The following STPG1 variants were observed in gnomAD, a reference collection of about 807,000 sequenced individuals.
STPG1 encodes the protein sperm tail PG-rich repeat containing 1, also known as O(6)-methylguanine-induced apoptosis 2.
Under a neutral mutation model 40.1 loss-of-function variants are expected in STPG1, and 33 were observed. The ratio of observed to expected loss-of-function variants is 0.82; its 90% CI spans 0.62 to 1.10. STPG1 has a LOEUF of 1.10. STPG1 is among the 50% of genes least tolerant of loss of function. The probability of loss-of-function intolerance (pLI) is 0.00; values close to 1 mark genes in which losing one functional copy is unlikely to be tolerated. For synonymous variants in STPG1, 150 were observed against 155.0 expected (o/e 0.97, Z 0.24); for missense variants, 396 against 415.1 (o/e 0.95, Z 0.40).
intron 7 of STPG1, among the ~76,000 whole-genome samples, chr1:24,362,757 A>C (rs1312394529): frequency 6.6e-6 from 1 of 152,216 alleles, no homozygotes; most frequent in Non-Finnish European, 1.5e-5. Flanking sequence ...CAGAGAGGAC[A>C]CTGAAAGCCA....
chr1:24,385,966 C>CA (rs974847641), intron 3 of STPG1, among the ~76,000 whole-genome samples: 8 of 152,180 alleles, frequency 5.3e-5, no homozygotes, highest in African/African-American at 1.9e-4. Context: ...AGTGAAGACA[C>CA]ACACCTCTAG....
chr1:24,379,965 G>A, intron 4 of STPG1, 142 bp from the exon 5 acceptor site: 1 of 813,372 alleles, frequency 1.2e-6, no homozygotes, highest in South Asian at 1.9e-5. Context: ...ATGATAAACT[G>A]ACCTCAGGCT....
At chr1:24,369,490 G>T (rs1641629239) in intron 7 of STPG1, 184 bp downstream of exon 7, 2 of 705,224 alleles carry the variant, frequency 2.8e-6, no homozygotes, top group Admixed American at 2.1e-5. Context: ...CACAGTGGTT[G>T]CTCAATAAGT....
chr1:24,366,226 C>T (rs972758645), intron 7 of STPG1, among the ~76,000 whole-genome samples: 8 of 152,098 alleles, frequency 5.3e-5, no homozygotes, highest in African/African-American at 7.2e-5. Flanking sequence ...AGAAACATGG[C>T]GGCAAGTCAC....
At chr1:24,403,894 A>G (rs997826357) in intron 1 of STPG1, among the ~76,000 whole-genome samples, 3 of 152,108 alleles carry the variant, frequency 2.0e-5, no homozygotes, top group African/African-American at 7.2e-5. Context: ...GTATGTGAAT[A>G]AAACATTTTA....
chr1:24,412,352 C>T (rs6696136), intron 1 of STPG1, among the ~76,000 whole-genome samples: 18,368 of 152,188 alleles, frequency 0.12, 1,202 homozygotes, highest in African/African-American at 0.16. Flanking sequence ...TCACGAGACT[C>T]TCTGCTCAAA....
upstream of STPG1, chr1:24,414,915 C>A (rs991166082): frequency 2.0e-5 from 3 of 152,264 alleles, no homozygotes; most frequent in African/African-American, 2.4e-5. Flanking sequence ...TCTCACCAGC[C>A]CTGCTGGCCT....
At position 24,358,620 on chromosome 1, in the gene STPG1, C is replaced by T; in HGVS notation, c.929-1G>A. 3 of 1,612,044 alleles carry T rather than the reference C, an allele frequency of 1.9e-6. No homozygotes were observed. Among genetic ancestry groups the T allele is most frequent in the Non-Finnish European group, 2.5e-6 (3 of 1,178,306 alleles). On this transcript the variant is annotated splice_acceptor_variant, in intron 8 of 8. Coordinates refer to ENST00000337248, the MANE Select transcript of STPG1 (RefSeq NM_001199013.2). LOFTEE classifies it high-confidence loss of function. The stretch of plus-strand genomic sequence containing the variant: ...CCTGGAAGCTCTGGCTTGTACGTAG[C>T]TGTGAGGGGACAGAGAGGCGGAGGC...
At chr1:24,396,290 T>TCTAA (rs750885774) in intron 2 of STPG1, among the ~76,000 whole-genome samples, 4 of 105,522 alleles carry the variant, frequency 3.8e-5, no homozygotes, top group African/African-American at 7.1e-5. Flanking sequence ...TATCTATCTA[T>TCTAA]CTATCTATCA....
At chr1:24,375,093 T>C (rs1641959683) in intron 5 of STPG1, among the ~76,000 whole-genome samples, 1 of 152,174 alleles carries the variant, frequency 6.6e-6, no homozygotes, top group South Asian at 2.1e-4. Flanking sequence ...CATTCCCTTG[T>C]CTCAACTTTC....
chr1:24,360,442 T>C (rs1641030728), intron 8 of STPG1, among the ~76,000 whole-genome samples: 1 of 152,014 alleles, frequency 6.6e-6, no homozygotes, highest in South Asian at 2.1e-4. Flanking sequence ...CGAGACTCCG[T>C]CTCAAAAAAA....
chr1:24,360,319 T>C (rs1466186751), intron 8 of STPG1, among the ~76,000 whole-genome samples: 2 of 152,128 alleles, frequency 1.3e-5, no homozygotes, highest in East Asian at 1.9e-4. Flanking sequence ...TGTGGTGGCA[T>C]GTACCTGTAA....
intron 1 of STPG1, among the ~76,000 whole-genome samples, chr1:24,407,173 G>T (rs931881426): frequency 4.0e-5 from 6 of 151,874 alleles, no homozygotes; most frequent in African/African-American, 1.5e-4. Flanking sequence ...TGGTACCTTG[G>T]CATAATTTTC....
chr1:24,386,406 G>A (rs1557449587), intron 3 of STPG1, among the ~76,000 whole-genome samples: 1 of 152,234 alleles, frequency 6.6e-6, no homozygotes, highest in Non-Finnish European at 1.5e-5. Flanking sequence ...AGTCCTCCAG[G>A]CAGCGGCAGC....
At chr1:24,366,512 G>GT (rs1444190353) in intron 7 of STPG1, among the ~76,000 whole-genome samples, 2 of 151,960 alleles carry the variant, frequency 1.3e-5, no homozygotes, top group South Asian at 2.1e-4. Context: ...ACAGATAAAT[G>GT]TTTTTTTTAG....
intron 1 of STPG1, among the ~76,000 whole-genome samples, chr1:24,409,780 A>G (rs896961327): frequency 1.3e-5 from 2 of 152,162 alleles, no homozygotes; most frequent in Non-Finnish European, 2.9e-5. Context: ...CGATTGTCAG[A>G]TCCACCATCA....
rs1315385777 is a variant in STPG1 at position 24,358,256 on chromosome 1, G to A, written c.*287C>T. 1 of 627,620 alleles carries A rather than the reference G, an allele frequency of 1.6e-6. No homozygotes were observed. The highest frequency in any genetic ancestry group is 1.5e-5 in the South Asian group (1 of 66,090). 38.9% of individuals were successfully genotyped at this position (627,620 alleles called of 1,614,324 possible). A position where few individuals can be genotyped will look rare whatever the true frequency, so the allele number is the denominator to read the frequency against. On this transcript the variant is annotated 3_prime_UTR_variant, in exon 9 of 9. Transcript: ENST00000337248. ...GGGAGTCGTGCCGGAAGGCAGCCTG[G>A]ATGGGTGCGTGGGGAAGCAGCCAGG...
At chr1:24,362,193 G>A (rs769289328) in intron 7 of STPG1, among the ~76,000 whole-genome samples, 94 of 152,330 alleles carry the variant, frequency 6.2e-4, no homozygotes, top group Middle Eastern at 6.8e-3. Context: ...CTGCACTTTA[G>A]CCAACAACTT....
chr1:24,360,768 A>C (rs899496020), intron 8 of STPG1, 83 bp downstream of exon 8: 4 of 1,288,588 alleles, frequency 3.1e-6, no homozygotes, highest in Admixed American at 4.5e-5. Flanking sequence ...ACAACCTATA[A>C]ATCAATGGCA....
Sources: allele counts gnomAD v4.1 joint callset (sites outside exome capture counted in the v4.1 genomes callset), GRCh38; gene constraint gnomAD v4.1.1; transcripts MANE v1.5; gene names NCBI Gene and HGNC (gene_info 2026-07-23, HGNC 2026-07-21).